NEMP2: variants seen among roughly 807,000 people sequenced by gnomAD.
NEMP2 encodes nuclear envelope integral membrane protein 2.
NEMP2 carries 53 observed loss-of-function variants against 54.2 expected under a neutral mutation model. That is an observed-to-expected ratio of 0.98 (90% CI 0.78 to 1.23). The LOEUF is 1.23. Ranked by LOEUF, NEMP2 falls within the 50% of genes most tolerant of loss-of-function variation. NEMP2 has a pLI of 0.00. For missense variants in NEMP2, 455 were observed against 511.3 expected, an observed-to-expected ratio of 0.89 and a Z score of 1.06; for synonymous variants, 197 against 190.3, an observed-to-expected ratio of 1.04 and a Z score of -0.29.
the NEMP2 span, among the ~76,000 whole-genome samples, chr2:190,477,641 C>T: frequency 6.6e-6 from 1 of 152,138 alleles, no homozygotes; most frequent in Non-Finnish European, 1.5e-5. Context: ...AGGCAGCATG[C>T]TGGGTGCTGA....
chr2:190,488,825 A>G, the NEMP2 span: 1 of 1,540,570 alleles, frequency 6.5e-7, no homozygotes, highest in Non-Finnish European at 8.7e-7. The surrounding 1 kb of genome is among the most constrained non-coding windows in gnomAD (Gnocchi z 6.4). Flanking sequence ...TTTGGTAAGA[A>G]TGGCTTTCTC....
At chr2:190,443,003 A>G in the NEMP2 span, 16 of 152,344 alleles carry the variant, frequency 1.1e-4, no homozygotes, top group East Asian at 2.9e-3. This position sits in a 1 kb window ranked among gnomAD's most constrained non-coding sequence, Gnocchi z 4.2. Context: ...TTTATTGCTT[A>G]AAGTAAGTAT....
chr2:190,584,643 CAGG>C, the NEMP2 span, among the ~76,000 whole-genome samples: 1 of 151,954 alleles, frequency 6.6e-6, no homozygotes, highest in Non-Finnish European at 1.5e-5. This position sits in a 1 kb window ranked among gnomAD's most constrained non-coding sequence, Gnocchi z 4.2. Flanking sequence ...GAGGCCCAGG[CAGG>C]AGGATTACTT....
chr2:190,516,620 C>T (rs1048305547), intron 5 of NEMP2, among the ~76,000 whole-genome samples: 2 of 152,172 alleles, frequency 1.3e-5, no homozygotes, highest in Non-Finnish European at 2.9e-5. Context: ...AAATCAGAAC[C>T]TGCATTTCAA....
the NEMP2 span, among the ~76,000 whole-genome samples, chr2:190,601,460 T>C: frequency 6.6e-5 from 10 of 152,290 alleles, no homozygotes; most frequent in African/African-American, 1.9e-4. This position sits in a 1 kb window ranked among gnomAD's most constrained non-coding sequence, Gnocchi z 5.8. Context: ...CAGGCCTACG[T>C]TGGTCTTGAC....
At position 190,510,651 on chromosome 2, in the gene NEMP2, G is replaced by A. The variant is rs1374527598; in HGVS notation, c.954-114C>T. 11 of 975,576 alleles carry A rather than the reference G, an allele frequency of 1.1e-5. No homozygotes were observed. The highest frequency in any genetic ancestry group is 3.2e-5 in the African/African-American group (2 of 61,802). The allele number at this position is 975,576 out of a possible 1,614,324, so 60.4% of individuals were successfully genotyped here. A position where few individuals can be genotyped will look rare whatever the true frequency, so the allele number is the denominator to read the frequency against. On this transcript the variant is annotated intron_variant, in intron 7 of 8. Transcript: ENST00000409150. The surrounding 1 kb of genome is among the most constrained non-coding windows in gnomAD (Gnocchi z 5.7). ...TAATCCAGCATTTTGGGAGGCCTGG[G>A]GAGGCGGATCACGAGGTCAGGAGAT...
the NEMP2 span, among the ~76,000 whole-genome samples, chr2:190,585,403 C>A: frequency 6.6e-6 from 1 of 152,172 alleles, no homozygotes; most frequent in African/African-American, 2.4e-5. The surrounding 1 kb of genome is among the most constrained non-coding windows in gnomAD (Gnocchi z 5.3). Context: ...GCCTCTAGCC[C>A]ATACAGGCCT....
chr2:190,510,651 G>T lies in NEMP2; in HGVS notation c.954-114C>A. 1.0e-6 allele frequency: 1 copy of T among 975,694 alleles called. No homozygotes were observed. The allele number at this position is 975,694 out of a possible 1,614,324, so 60.4% of individuals were successfully genotyped here. On this transcript the variant is annotated intron_variant, in intron 7 of 8. Coordinates refer to ENST00000409150, the MANE Select transcript of NEMP2 (RefSeq NM_001142645.2). This position sits in a 1 kb window ranked among gnomAD's most constrained non-coding sequence, Gnocchi z 5.7. The stretch of plus-strand genomic sequence containing the variant: ...TAATCCAGCATTTTGGGAGGCCTGG[G>T]GAGGCGGATCACGAGGTCAGGAGAT...
the NEMP2 span, among the ~76,000 whole-genome samples, chr2:190,430,227 T>C: frequency 4.6e-5 from 7 of 151,192 alleles, no homozygotes; most frequent in East Asian, 1.2e-3. Context: ...TTTTTTTAAT[T>C]GATCATTCTT....
At chr2:190,536,524 C>T (rs950365621), upstream of NEMP2, among the ~76,000 whole-genome samples, 1 of 152,184 alleles carries the variant, frequency 6.6e-6, no homozygotes, top group Admixed American at 6.5e-5. Context: ...ACTGGGAAAG[C>T]CCCACATCTA....
the NEMP2 span, among the ~76,000 whole-genome samples, chr2:190,424,672 C>G: frequency 2.0e-5 from 3 of 152,140 alleles, no homozygotes; most frequent in Non-Finnish European, 2.9e-5. This position sits in a 1 kb window ranked among gnomAD's most constrained non-coding sequence, Gnocchi z 5.9. Flanking sequence ...CTAATTACCT[C>G]AGCACCATTT....
the NEMP2 span, among the ~76,000 whole-genome samples, chr2:190,574,439 T>A: frequency 6.6e-6 from 1 of 152,324 alleles, no homozygotes; most frequent in East Asian, 1.9e-4. Context: ...CCCTAATATT[T>A]ACAGATTCTT....
At chr2:190,460,430 G>A in the NEMP2 span, among the ~76,000 whole-genome samples, 1 of 152,070 alleles carries the variant, frequency 6.6e-6, no homozygotes, top group African/African-American at 2.4e-5. Context: ...TGTATAATAT[G>A]TGCATAGTGT....
At position 190,530,595 on chromosome 2, in the gene NEMP2, T is replaced by C. The variant is rs189441835; in HGVS notation, c.97+3964A>G. 1.4e-3 allele frequency among the ~76,000 whole-genome samples: 216 copies of C among 152,338 alleles called. No individual in the cohort carries two copies. The highest frequency in any genetic ancestry group is 2.5e-3 in the Non-Finnish European group (172 of 68,044). On this transcript the variant is annotated intron_variant, in intron 1 of 8. Transcript: ENST00000409150. This position sits in a 1 kb window ranked among gnomAD's most constrained non-coding sequence, Gnocchi z 4.6. ...AGATCTTCCAATCTTAGATTGATTA[T>C]AAAGGCTGTATCTTTCTTAGGTCTC...
At chr2:190,644,687 T>C in the NEMP2 span, among the ~76,000 whole-genome samples, 2 of 151,460 alleles carry the variant, frequency 1.3e-5, no homozygotes, top group African/African-American at 2.4e-5. This position sits in a 1 kb window ranked among gnomAD's most constrained non-coding sequence, Gnocchi z 4.4. Context: ...AAGTGGGAGC[T>C]AAATGATAAG....
intron 7 of NEMP2, among the ~76,000 whole-genome samples, chr2:190,511,382 A>G (rs571197099): frequency 6.6e-6 from 1 of 152,228 alleles, no homozygotes; most frequent in East Asian, 1.9e-4. Flanking sequence ...TTTTTCCTGT[A>G]TTACATGACG....
At chr2:190,463,908 GA>G in the NEMP2 span, 7 of 984,238 alleles carry the variant, frequency 7.1e-6, no homozygotes, top group South Asian at 2.8e-4. The surrounding 1 kb of genome is among the most constrained non-coding windows in gnomAD (Gnocchi z 4.4). Context: ...CTACCATACA[GA>G]AAACGTAATC....
chr2:190,496,702 A>G, the NEMP2 span, among the ~76,000 whole-genome samples: 1 of 152,188 alleles, frequency 6.6e-6, no homozygotes, highest in Non-Finnish European at 1.5e-5. This position sits in a 1 kb window ranked among gnomAD's most constrained non-coding sequence, Gnocchi z 4.7. Context: ...ACACATATAC[A>G]TACATACACA....
chr2:190,582,230 G>A, the NEMP2 span, among the ~76,000 whole-genome samples: 1 of 152,162 alleles, frequency 6.6e-6, no homozygotes, highest in East Asian at 1.9e-4. This position sits in a 1 kb window ranked among gnomAD's most constrained non-coding sequence, Gnocchi z 4.6. Flanking sequence ...CTCTATAAGA[G>A]GCTTCAGGGT....
Sources: allele counts gnomAD v4.1 joint callset (sites outside exome capture counted in the v4.1 genomes callset), GRCh38; gene constraint gnomAD v4.1.1; non-coding constraint Gnocchi (gnomAD v3.1); transcripts MANE v1.5; gene names NCBI Gene and HGNC (gene_info 2026-07-23, HGNC 2026-07-21).